The following SUMF1 variants were observed in gnomAD, a reference collection of about 807,000 sequenced individuals.
SUMF1 encodes sulfatase modifying factor 1.
SUMF1 carries 48 observed loss-of-function variants against 47.6 expected under a neutral mutation model. The observed-to-expected ratio is 1.01, with a 90% CI of 0.80 to 1.28. SUMF1 has a LOEUF of 1.28. SUMF1 is among the 50% of genes most tolerant of loss of function. The pLI, the probability that SUMF1 is intolerant of heterozygous loss-of-function variation, is 0.00. For synonymous variants in SUMF1, 230 were observed against 192.1 expected (o/e 1.20, Z -1.63); for missense variants, 571 against 485.4 (o/e 1.18, Z -1.66).
Position 4,107,682 on chromosome 3 carries a change from G to A in SUMF1, c.1015-38937C>T, listed in dbSNP as rs1693190211. ...AGCGCAAATATCAGGGCCTAGTGTG[G>A]CAACTCATGTCGGTAATAGCAGCAC... On this transcript the variant is annotated intron_variant and NMD_transcript_variant, in intron 8 of 12. Coordinates refer to the SUMF1 transcript ENST00000448413. Among the ~76,000 whole-genome samples, 5 of 152,018 alleles carry A rather than the reference G, an allele frequency of 3.3e-5. No homozygotes were observed. In the South Asian group the frequency reaches 1.0e-3, roughly 32 times the overall value.
At position 4,452,755 on chromosome 3, in the gene SUMF1, G is replaced by C. The variant is rs1703014336; in HGVS notation, c.444+121C>G. On this transcript the variant is annotated intron_variant, in intron 2 of 8. Coordinates refer to ENST00000272902, the MANE Select transcript of SUMF1 (RefSeq NM_182760.4). ...TAAGATGAAATATATACAATAAAAT[G>C]CTTCACACAGTTCTGCCACAGAATG... 2.5e-6 allele frequency: 3 copies of C among 1,183,610 alleles called. No homozygotes were observed. The South Asian group carries it at 3.7e-5, about 15-fold the overall frequency. The allele number at this position is 1,183,610 out of a possible 1,614,324, so 73.3% of individuals were successfully genotyped here.
chr3:4,073,805 TGCACCCAATACAGGA>T (rs1692349474), intron 8 of SUMF1, among the ~76,000 whole-genome samples: 1 of 152,262 alleles, frequency 6.6e-6, no homozygotes, highest in Non-Finnish European at 1.5e-5. Context: ...TAAATATACA[TGCACCCAATACAGGA>T]GCACCCAGAT....
At chr3:4,358,907 A>G (rs919428026), downstream of SUMF1, among the ~76,000 whole-genome samples, 1 of 152,242 alleles carries the variant, frequency 6.6e-6, no homozygotes, top group African/African-American at 2.4e-5. Flanking sequence ...CAAAGGATCA[A>G]CTGGCTGTAA....
chr3:4,390,061 TAA>T (rs1209276182), intron 7 of SUMF1, among the ~76,000 whole-genome samples: 3 of 152,224 alleles, frequency 2.0e-5, no homozygotes, highest in Non-Finnish European at 2.9e-5. Flanking sequence ...CTTATTATGT[TAA>T]AAGACTCTGG....
chr3:4,363,624 C>A (rs1032427337), intron 8 of SUMF1, among the ~76,000 whole-genome samples: 2 of 151,696 alleles, frequency 1.3e-5, no homozygotes, highest in African/African-American at 2.4e-5. Flanking sequence ...AGACTTTGGG[C>A]TGACACAATG....
chr3:4,123,920 G>A (rs895632732), intron 8 of SUMF1, among the ~76,000 whole-genome samples: 4 of 152,084 alleles, frequency 2.6e-5, no homozygotes, highest in African/African-American at 9.7e-5. Context: ...TGGCTGATCC[G>A]TGTGAGTGTT....
intron 8 of SUMF1, among the ~76,000 whole-genome samples, chr3:4,201,271 G>A (rs1223205930): frequency 6.6e-6 from 1 of 150,770 alleles, no homozygotes; most frequent in Admixed American, 6.6e-5. Context: ...ATTAACCATC[G>A]CCACTTCCAA....
At chr3:4,100,288 T>A (rs942936562) in intron 8 of SUMF1, among the ~76,000 whole-genome samples, 1 of 151,844 alleles carries the variant, frequency 6.6e-6, no homozygotes, top group Non-Finnish European at 1.5e-5. Flanking sequence ...GATTACAAAA[T>A]ATATTCCAAA....
intron 8 of SUMF1, chr3:4,303,878 G>T: frequency 7.8e-7 from 1 of 1,279,118 alleles, no homozygotes; most frequent in Non-Finnish European, 1.0e-6. Context: ...GGTAGGATAA[G>T]CCGTGGGGCC....
At chr3:4,443,197 G>A (rs1429929490) in intron 3 of SUMF1, among the ~76,000 whole-genome samples, 1 of 152,134 alleles carries the variant, frequency 6.6e-6, no homozygotes, top group African/African-American at 2.4e-5. Flanking sequence ...AGAATTGCTT[G>A]AGCCCAGTAG....
At chr3:4,090,315 C>T (rs1009238987) in intron 8 of SUMF1, among the ~76,000 whole-genome samples, 12 of 152,026 alleles carry the variant, frequency 7.9e-5, no homozygotes, top group African/African-American at 2.2e-4. Context: ...TCTCTAGGTA[C>T]TTTGGTTTTC....
At position 4,041,580 on chromosome 3, in the gene SUMF1, C is replaced by G. The variant is rs139879421; in HGVS notation, c.1191+26989G>C. The stretch of plus-strand genomic sequence containing the variant: ...CCCTAATACAGCAGGATCTGATTGT[C>G]CCAGATAGCTGGCATATCTACAGAC... On this transcript the variant is annotated intron_variant and NMD_transcript_variant, in intron 9 of 12. Coordinates refer to the SUMF1 transcript ENST00000448413. Among the ~76,000 whole-genome samples the G allele has an allele frequency of 4.1e-4, 63 of 152,256 alleles. 1 individual carries two copies. The East Asian group carries it at 0.011, about 28-fold the overall frequency.
intron 8 of SUMF1, among the ~76,000 whole-genome samples, chr3:4,151,902 T>C (rs1031143830): frequency 6.6e-6 from 1 of 151,344 alleles, no homozygotes; most frequent in Non-Finnish European, 1.5e-5. Context: ...GCATGGTAAA[T>C]AGCCATTTCT....
chr3:4,185,933 A>G (rs1695192422), intron 8 of SUMF1, among the ~76,000 whole-genome samples: 1 of 152,166 alleles, frequency 6.6e-6, no homozygotes, highest in African/African-American at 2.4e-5. Flanking sequence ...TGGCTCTGAG[A>G]TGGAGCCACA....
intron 8 of SUMF1, among the ~76,000 whole-genome samples, chr3:4,145,466 A>T (rs1694172305): frequency 6.6e-6 from 1 of 152,120 alleles, no homozygotes; most frequent in Non-Finnish European, 1.5e-5. Flanking sequence ...ACCTCTCTGC[A>T]ATTCATATCT....
chr3:4,370,074 G>A (rs1700123587), intron 8 of SUMF1, among the ~76,000 whole-genome samples: 1 of 152,200 alleles, frequency 6.6e-6, no homozygotes, highest in Non-Finnish European at 1.5e-5. Flanking sequence ...TCCAGGAGCA[G>A]TCACCTCTGC....
intron 8 of SUMF1, among the ~76,000 whole-genome samples, chr3:4,167,744 G>A (rs1293167714): frequency 2.0e-5 from 3 of 152,178 alleles, no homozygotes; most frequent in Non-Finnish European, 4.4e-5. Flanking sequence ...AAGGAGCACA[G>A]CAGAAAGGTC....
At chr3:4,427,546 G>A (rs1474645673) in intron 3 of SUMF1, among the ~76,000 whole-genome samples, 1 of 152,242 alleles carries the variant, frequency 6.6e-6, no homozygotes, top group African/African-American at 2.4e-5. Flanking sequence ...AGTCAAGTCT[G>A]ACAGCTTACT....
At chr3:4,419,562 C>T (rs748898635) in intron 4 of SUMF1, among the ~76,000 whole-genome samples, 8 of 151,996 alleles carry the variant, frequency 5.3e-5, no homozygotes, top group Non-Finnish European at 1.0e-4. Flanking sequence ...ACTTGCTGAC[C>T]GACTTGGCTC....
Sources: allele counts gnomAD v4.1 joint callset (sites outside exome capture counted in the v4.1 genomes callset), GRCh38; gene constraint gnomAD v4.1.1; transcripts MANE v1.5; gene names NCBI Gene and HGNC (gene_info 2026-07-23, HGNC 2026-07-21).